VAT1L: variants seen among roughly 807,000 people sequenced by gnomAD.
VAT1L encodes putative NADPH-dependent quinone oxidoreductase VAT1L.
A neutral mutation model predicts 44.1 loss-of-function variants in VAT1L; 34 were observed. The observed-to-expected ratio is 0.77, with a 90% CI of 0.59 to 1.03. VAT1L has a LOEUF of 1.03. Among genes scored for constraint, VAT1L ranks in the 50% least tolerant of loss-of-function variants. The probability of loss-of-function intolerance (pLI) is 0.00; values close to 1 mark genes in which losing one functional copy is unlikely to be tolerated. For synonymous variants in VAT1L, 253 were observed against 202.2 expected, an observed-to-expected ratio of 1.25 and a Z score of -2.13; for missense variants, 615 against 538.8, an observed-to-expected ratio of 1.14 and a Z score of -1.40.
At position 77,830,744 on chromosome 16, in the gene VAT1L, C is replaced by T. The variant is rs578138985; in HGVS notation, c.579+5283C>T. On this transcript the variant is annotated intron_variant, in intron 3 of 8. Transcript: ENST00000302536. ...ACTCTCTCAGGCTGGAGGGCTGTGG[C>T]GCAGTCTCAGCTCACTGCAGCCTCT... is the stretch of plus-strand genomic sequence containing the variant. 9.9e-4 allele frequency among the ~76,000 whole-genome samples: 151 copies of T among 152,264 alleles called. 1 individual carries two copies. The Middle Eastern group carries it at 0.014, about 14-fold the overall frequency.
chr16:77,948,914 T>G (rs1403121487), intron 7 of VAT1L, among the ~76,000 whole-genome samples: 1 of 152,178 alleles, frequency 6.6e-6, no homozygotes, highest in East Asian at 1.9e-4. Context: ...ATTTGACACT[T>G]AGCATGCACT....
intron 6 of VAT1L, among the ~76,000 whole-genome samples, chr16:77,880,751 G>GC (rs200487115): frequency 0.014 from 2,099 of 150,416 alleles, 53 homozygotes; most frequent in African/African-American, 0.05. Flanking sequence ...TTCAACCCCT[G>GC]CCCCCCTCCC....
rs1349269897 is a variant in VAT1L, at chr16:77,884,188, G to A, written c.883-420G>A. On this transcript the variant is annotated intron_variant, in intron 6 of 8. Coordinates refer to ENST00000302536, the MANE Select transcript of VAT1L (RefSeq NM_020927.3). This position sits in a 1 kb window ranked among gnomAD's most constrained non-coding sequence, Gnocchi z 4.5. ...ATGCTTTTAAAAAAAATACACCACTGTCCAAGGCGGGTGGATCACGAGGTC... is the reference window on the plus strand; with the variant it reads ...ATGCTTTTAAAAAAAATACACCACTATCCAAGGCGGGTGGATCACGAGGTC... 2.6e-5 allele frequency among the ~76,000 whole-genome samples: 4 copies of A among 152,160 alleles called. No individual in the cohort carries two copies. The South Asian group carries it at 8.3e-4, about 32-fold the overall frequency.
intron 7 of VAT1L, among the ~76,000 whole-genome samples, chr16:77,887,904 T>G (rs899847587): frequency 1.3e-5 from 2 of 152,164 alleles, no homozygotes; most frequent in Admixed American, 1.3e-4. Flanking sequence ...AATTCCTCAT[T>G]GAGGTCTGTA....
At position 77,857,843 on chromosome 16, in the gene VAT1L, T is replaced by C. The variant is rs1454978804; in HGVS notation, c.580-4905T>C. Among the ~76,000 whole-genome samples the C allele has an allele frequency of 2.6e-5, 4 of 151,836 alleles. No individual in the cohort carries two copies. In the East Asian group the frequency reaches 5.8e-4, roughly 22 times the overall value. ...TACCTATATTATCTCTCTCTTTTTTTTTTTTTTAACCATGTGCATGTTTTT... is the reference window on the plus strand; with the variant it reads ...TACCTATATTATCTCTCTCTTTTTTCTTTTTTTAACCATGTGCATGTTTTT... On this transcript the variant is annotated intron_variant, in intron 3 of 8. Transcript: ENST00000302536.
At chr16:77,894,355 G>C (rs966163728) in intron 7 of VAT1L, among the ~76,000 whole-genome samples, 24 of 152,332 alleles carry the variant, frequency 1.6e-4, no homozygotes, top group African/African-American at 5.5e-4. Flanking sequence ...CTTTCAGAAA[G>C]CAGTGTCAGT....
At chr16:77,976,466 C>T (rs2018341066) in intron 8 of VAT1L, among the ~76,000 whole-genome samples, 1 of 152,078 alleles carries the variant, frequency 6.6e-6, no homozygotes, top group African/African-American at 2.4e-5. Context: ...AGGGGGAGAA[C>T]CCAGCTTCAG....
In VAT1L at chr16:77,812,324, C is replaced by T. The variant is rs916492315; in HGVS notation, c.234-4597C>T. ...CTGACCTCAGGTAATCCACCTGTCT[C>T]GGCCTCCCAAAGTGCTGGGATTACA... On this transcript the variant is annotated intron_variant, in intron 1 of 8. Transcript: ENST00000302536. Among the ~76,000 whole-genome samples, 9 of 152,108 alleles carry T rather than the reference C, an allele frequency of 5.9e-5. No individual in the cohort carries two copies. The East Asian group carries it at 1.2e-3, about 20-fold the overall frequency.
intron 1 of VAT1L, among the ~76,000 whole-genome samples, chr16:77,806,673 CT>C (rs558789733): frequency 2.6e-4 from 40 of 152,310 alleles, no homozygotes; most frequent in African/African-American, 8.9e-4. Flanking sequence ...TCTTCACTTC[CT>C]TTTTTTCTAT....
At chr16:77,918,299 T>C (rs892311811) in intron 7 of VAT1L, among the ~76,000 whole-genome samples, 6 of 152,188 alleles carry the variant, frequency 3.9e-5, no homozygotes, top group African/African-American at 1.4e-4. Flanking sequence ...TTTTTCTTAT[T>C]ACATCCCAAT....
intron 2 of VAT1L, among the ~76,000 whole-genome samples, chr16:77,821,759 A>G (rs934593572): frequency 6.6e-6 from 1 of 151,716 alleles, no homozygotes; most frequent in Non-Finnish European, 1.5e-5. Context: ...ACTCAGTGCC[A>G]GCACACAAGC....
chr16:77,838,788 TTC>T (rs747833569), intron 3 of VAT1L, among the ~76,000 whole-genome samples: 7 of 151,772 alleles, frequency 4.6e-5, no homozygotes, highest in Admixed American at 6.6e-5. Context: ...TTTCTTCTTT[TTC>T]TCTCTCTCAT....
At chr16:77,915,529 A>G (rs573569196) in intron 7 of VAT1L, among the ~76,000 whole-genome samples, 1 of 152,242 alleles carries the variant, frequency 6.6e-6, no homozygotes, top group Admixed American at 6.5e-5. Context: ...AAGGCCTGTG[A>G]GTTGGTCTAC....
intron 7 of VAT1L, among the ~76,000 whole-genome samples, chr16:77,898,330 G>C (rs925353839): frequency 2.6e-5 from 4 of 152,140 alleles, no homozygotes; most frequent in Non-Finnish European, 5.9e-5. Flanking sequence ...GGAAAAGAGG[G>C]GGGGGACACA....
chr16:77,791,853 G>C (rs754331348), intron 1 of VAT1L, among the ~76,000 whole-genome samples: 3 of 152,222 alleles, frequency 2.0e-5, no homozygotes, highest in Non-Finnish European at 4.4e-5. Context: ...TGATAGCAGA[G>C]TCTTCTGTCT....
intron 3 of VAT1L, among the ~76,000 whole-genome samples, chr16:77,833,699 C>T (rs772496426): frequency 8.6e-5 from 13 of 151,492 alleles, no homozygotes; most frequent in South Asian, 2.1e-4. Flanking sequence ...TGCAGTGAGC[C>T]GGGATCACAC....
intron 3 of VAT1L, among the ~76,000 whole-genome samples, chr16:77,826,974 T>C (rs2016530028): frequency 6.6e-6 from 1 of 152,218 alleles, no homozygotes; most frequent in South Asian, 2.1e-4. Flanking sequence ...TCTGTAACTA[T>C]TAAAACTCTA....
At chr16:77,924,829 A>G (rs565875743) in intron 7 of VAT1L, among the ~76,000 whole-genome samples, 1 of 152,268 alleles carries the variant, frequency 6.6e-6, no homozygotes, top group Non-Finnish European at 1.5e-5. Flanking sequence ...TCTGTCTAGC[A>G]GGGTAATGTC....
chr16:77,811,469 A>G (rs56283002), intron 1 of VAT1L, among the ~76,000 whole-genome samples: 184 of 152,316 alleles, frequency 1.2e-3, no homozygotes, highest in African/African-American at 4.3e-3. Flanking sequence ...ACAGCGGCCT[A>G]CCATGGTTTA....
Sources: allele counts gnomAD v4.1 joint callset (sites outside exome capture counted in the v4.1 genomes callset), GRCh38; gene constraint gnomAD v4.1.1; non-coding constraint Gnocchi (gnomAD v3.1); transcripts MANE v1.5; gene names NCBI Gene and HGNC (gene_info 2026-07-23, HGNC 2026-07-21).